Variants in PCNX2 observed in about 807,000 individuals in gnomAD.
The protein encoded by PCNX2 is pecanex-like protein 2.
PCNX2 carries 168 observed loss-of-function variants against 223.8 expected under a neutral mutation model. The observed-to-expected ratio is 0.75, with a 90% CI of 0.66 to 0.85. The LOEUF is 0.85. PCNX2 is among the 40% of genes least tolerant of loss of function. PCNX2 has a pLI of 0.00. For synonymous variants in PCNX2, 1,006 were observed against 1,052.6 expected (o/e 0.96, Z 0.86); for missense variants, 2,507 against 2,675.5 (o/e 0.94, Z 1.39).
chr1:233,284,657 C>G (rs1384561077), intron 1 of PCNX2, among the ~76,000 whole-genome samples: 2 of 152,146 alleles, frequency 1.3e-5, no homozygotes, highest in Non-Finnish European at 2.9e-5. Flanking sequence ...CAATATCCAG[C>G]AGAACATCTG....
At chr1:233,177,442 G>A (rs373630630) in intron 17 of PCNX2, among the ~76,000 whole-genome samples, 2 of 152,192 alleles carry the variant, frequency 1.3e-5, no homozygotes, top group African/African-American at 4.8e-5. Flanking sequence ...AATGGAAACC[G>A]GACACAGCAG....
chr1:233,119,057 C>T (rs937694415), intron 21 of PCNX2, among the ~76,000 whole-genome samples: 3 of 151,992 alleles, frequency 2.0e-5, no homozygotes, highest in African/African-American at 7.2e-5. Context: ...CTCACACAAA[C>T]ATGAGCAACT....
At chr1:233,164,936 A>G (rs1427527749) in intron 17 of PCNX2, among the ~76,000 whole-genome samples, 1 of 152,176 alleles carries the variant, frequency 6.6e-6, no homozygotes, top group Non-Finnish European at 1.5e-5. Context: ...AGTTAGAAAG[A>G]ATAAATTCTG....
At chr1:233,265,298 G>A (rs957475715) in intron 1 of PCNX2, among the ~76,000 whole-genome samples, 11 of 151,752 alleles carry the variant, frequency 7.2e-5, no homozygotes, top group African/African-American at 2.7e-4. Context: ...ATGTAACTAG[G>A]GTTTCATAGT....
chr1:233,166,906 C>T (rs1678828830), intron 17 of PCNX2, among the ~76,000 whole-genome samples: 1 of 151,982 alleles, frequency 6.6e-6, no homozygotes, highest in Admixed American at 6.6e-5. Flanking sequence ...CTTTGGGAGG[C>T]CGAGGTGGCA....
chr1:233,190,940 C>G (rs1322688939), intron 15 of PCNX2, among the ~76,000 whole-genome samples: 1 of 152,096 alleles, frequency 6.6e-6, no homozygotes, highest in Non-Finnish European at 1.5e-5. Context: ...TACTACTGAC[C>G]TCAGTTAGAA....
At chr1:233,032,580 C>CT (rs11323256) in intron 25 of PCNX2, among the ~76,000 whole-genome samples, 62 of 147,042 alleles carry the variant, frequency 4.2e-4, no homozygotes, top group Admixed American at 1.5e-3. Flanking sequence ...AAAGCCAGGG[C>CT]TTTTTTTTTT....
intron 17 of PCNX2, among the ~76,000 whole-genome samples, chr1:233,166,878 C>T (rs947627442): frequency 6.6e-6 from 1 of 151,878 alleles, no homozygotes; most frequent in Non-Finnish European, 1.5e-5. Flanking sequence ...GTGTTGGTTC[C>T]CGCCTGTAAT....
intron 19 of PCNX2, among the ~76,000 whole-genome samples, chr1:233,155,012 G>A (rs1174286098): frequency 6.6e-6 from 1 of 150,560 alleles, no homozygotes; most frequent in African/African-American, 2.4e-5. Flanking sequence ...GAAGTTGGGT[G>A]AGCTGGGATC....
intron 8 of PCNX2, among the ~76,000 whole-genome samples, chr1:233,239,076 T>A (rs776041509): frequency 2.4e-4 from 36 of 152,322 alleles, no homozygotes; most frequent in Non-Finnish European, 4.0e-4. Flanking sequence ...AATTGCAATG[T>A]TGACACAAAT....
At chr1:233,137,072 T>C (rs2102770551) in intron 20 of PCNX2, among the ~76,000 whole-genome samples, 1 of 152,368 alleles carries the variant, frequency 6.6e-6, no homozygotes. Context: ...GATCATTGTA[T>C]ACAGCAGGTC....
chr1:233,119,962 T>A (rs1452129146), intron 21 of PCNX2, among the ~76,000 whole-genome samples: 5 of 149,902 alleles, frequency 3.3e-5, no homozygotes, highest in Admixed American at 3.3e-4. Context: ...AGGTCAGGAG[T>A]TCGAGACCAG....
chr1:233,183,383 C>A (rs1679913906), intron 15 of PCNX2, among the ~76,000 whole-genome samples: 1 of 152,160 alleles, frequency 6.6e-6, no homozygotes, highest in Non-Finnish European at 1.5e-5. Flanking sequence ...CCTGACATAT[C>A]CTTGCGAGAA....
At chr1:233,120,164 C>CAAAAAAAAAAAAAAAAAAAAAAAAAA (rs1228898502) in intron 21 of PCNX2, among the ~76,000 whole-genome samples, 6 of 42,648 alleles carry the variant, frequency 1.4e-4, no homozygotes, top group East Asian at 7.3e-4. Context: ...GACTCCATTT[C>CAAAAAAAAAAAAAAAAAAAAAAAAAA]AAAAAAAAAA....
At chr1:233,194,669 A>G (rs1680618382) in intron 15 of PCNX2, among the ~76,000 whole-genome samples, 1 of 152,118 alleles carries the variant, frequency 6.6e-6, no homozygotes, top group African/African-American at 2.4e-5. Context: ...ACACTTTCCA[A>G]CTCATTTTAT....
At chr1:233,057,897 C>T in intron 23 of PCNX2, 3 of 985,304 alleles carry the variant, frequency 3.0e-6, no homozygotes, top group Non-Finnish European at 3.6e-6. Context: ...GTAATGCTAC[C>T]CACTTTCAGA....
chr1:233,156,744 C>T (rs1363944017), intron 19 of PCNX2, among the ~76,000 whole-genome samples: 1 of 152,030 alleles, frequency 6.6e-6, no homozygotes, highest in Non-Finnish European at 1.5e-5. Context: ...ATGGTGAAAC[C>T]CCATCTCTAC....
intron 21 of PCNX2, among the ~76,000 whole-genome samples, chr1:233,129,343 C>T (rs768112359): frequency 3.3e-5 from 5 of 152,196 alleles, no homozygotes; most frequent in East Asian, 1.9e-4. Context: ...TGCCTCCCCA[C>T]GGGGCAGGGC....
chr1:233,273,140 A>G (rs1660731418), intron 1 of PCNX2, among the ~76,000 whole-genome samples: 1 of 139,964 alleles, frequency 7.1e-6, no homozygotes, highest in African/African-American at 2.8e-5. Flanking sequence ...CCAAAAACCT[A>G]TGGAAATAAA....
Sources: allele counts gnomAD v4.1 joint callset (sites outside exome capture counted in the v4.1 genomes callset), GRCh38; gene constraint gnomAD v4.1.1; transcripts MANE v1.5; gene names NCBI Gene and HGNC (gene_info 2026-07-23, HGNC 2026-07-21).